PRKCH: variants seen among roughly 807,000 people sequenced by gnomAD.
The protein encoded by PRKCH is protein kinase C eta.
PRKCH carries 28 observed loss-of-function variants against 82.5 expected under a neutral mutation model. That is an observed-to-expected ratio of 0.34 (90% CI 0.25 to 0.47). The LOEUF is 0.47. PRKCH is among the 20% of genes least tolerant of loss of function. The pLI, the probability that PRKCH is intolerant of heterozygous loss-of-function variation, is 1.00. For missense variants in PRKCH, 705 were observed against 881.8 expected (o/e 0.80, Z 2.54); for synonymous variants, 322 against 327.4 (o/e 0.98, Z 0.18).
intron 10 of PRKCH, among the ~76,000 whole-genome samples, chr14:61,521,230 T>C (rs2042902335): frequency 6.6e-6 from 1 of 152,224 alleles, no homozygotes. Flanking sequence ...AATATTACTT[T>C]TATAATCAAA....
intron 1 of PRKCH, among the ~76,000 whole-genome samples, chr14:61,198,607 T>C (rs2044457827): frequency 6.6e-6 from 1 of 152,256 alleles, no homozygotes; most frequent in Non-Finnish European, 1.5e-5. Context: ...AGAAACTATG[T>C]CTCTATATTC....
intron 4 of PRKCH, among the ~76,000 whole-genome samples, chr14:61,448,580 G>A (rs1468368314): frequency 6.6e-6 from 1 of 152,140 alleles, no homozygotes; most frequent in Non-Finnish European, 1.5e-5. Context: ...CTAGAAGTGG[G>A]GATGGGGTAG....
intron 1 of PRKCH, among the ~76,000 whole-genome samples, chr14:61,331,529 A>AAAC (rs898734393): frequency 3.3e-5 from 5 of 152,116 alleles, no homozygotes; most frequent in African/African-American, 7.2e-5. Context: ...TCAAAAAAAG[A>AAAC]AACAACAACA....
At chr14:61,502,459 A>G (rs1367607180) in intron 10 of PRKCH, among the ~76,000 whole-genome samples, 1 of 152,162 alleles carries the variant, frequency 6.6e-6, no homozygotes. Flanking sequence ...TTTTCAGATC[A>G]GGCAACAGGC....
At chr14:61,270,397 C>A (rs2045140980) in intron 1 of PRKCH, among the ~76,000 whole-genome samples, 1 of 152,180 alleles carries the variant, frequency 6.6e-6, no homozygotes, top group South Asian at 2.1e-4. Flanking sequence ...TCCACGCTAG[C>A]AGTGGCCAGG....
chr14:61,388,147 C>CAAAAAA (rs569642184), intron 1 of PRKCH, among the ~76,000 whole-genome samples: 4 of 87,914 alleles, frequency 4.5e-5, no homozygotes, highest in Non-Finnish European at 4.9e-5. Flanking sequence ...GACTCTGTCT[C>CAAAAAA]AAAAAAAAAA....
At chr14:61,401,164 T>G (rs1881597590) in intron 2 of PRKCH, among the ~76,000 whole-genome samples, 1 of 152,200 alleles carries the variant, frequency 6.6e-6, no homozygotes, top group South Asian at 2.1e-4. Context: ...ACATCAGGCA[T>G]GGATGGGCCA....
At chr14:61,448,594 A>G (rs1884337593) in intron 4 of PRKCH, among the ~76,000 whole-genome samples, 1 of 152,128 alleles carries the variant, frequency 6.6e-6, no homozygotes, top group Non-Finnish European at 1.5e-5. Flanking sequence ...GGGGTAGAGT[A>G]TTTTCATGGA....
intron 1 of PRKCH, among the ~76,000 whole-genome samples, chr14:61,224,682 T>C (rs1188268113): frequency 6.6e-6 from 1 of 152,190 alleles, no homozygotes; most frequent in African/African-American, 2.4e-5. Flanking sequence ...TATCCGGAGA[T>C]CCATGTGTCC....
intron 2 of PRKCH, among the ~76,000 whole-genome samples, chr14:61,414,445 G>A (rs1882448338): frequency 6.6e-6 from 1 of 151,686 alleles, no homozygotes; most frequent in Non-Finnish European, 1.5e-5. Flanking sequence ...GCTAATTTTT[G>A]TATTTTTGAT....
intron 1 of PRKCH, among the ~76,000 whole-genome samples, chr14:61,339,570 G>A (rs376203014): frequency 7.0e-6 from 1 of 142,984 alleles, no homozygotes; most frequent in Non-Finnish European, 1.5e-5. Flanking sequence ...TGATCCACCT[G>A]CCTCGGCCTC....
chr14:61,270,596 C>T (rs762444578), intron 1 of PRKCH, among the ~76,000 whole-genome samples: 9 of 152,132 alleles, frequency 5.9e-5, no homozygotes, highest in Admixed American at 2.0e-4. Flanking sequence ...TTAATGAGGT[C>T]GCAAATGCTT....
At chr14:61,428,112 C>CACACATATATATATAT (rs1391102641) in intron 2 of PRKCH, among the ~76,000 whole-genome samples, 1 of 145,524 alleles carries the variant, frequency 6.9e-6, no homozygotes, top group South Asian at 2.1e-4. Context: ...TATATACACA[C>CACACATATATATATAT]ATATATATAT....
intron 1 of PRKCH, among the ~76,000 whole-genome samples, chr14:61,257,628 CA>C (rs1294705866): frequency 3.9e-4 from 17 of 43,466 alleles, no homozygotes; most frequent in Admixed American, 1.0e-3. Context: ...CACACACACA[CA>C]CCCCCACACA....
intron 9 of PRKCH, among the ~76,000 whole-genome samples, chr14:61,468,272 GA>G (rs1250844518): frequency 1.3e-4 from 20 of 152,326 alleles, no homozygotes; most frequent in African/African-American, 4.3e-4. Flanking sequence ...GATCAAAATA[GA>G]AAATGAGCCA....
rs546752328 is a variant in PRKCH at position 61,522,287 on chromosome 14, T to C, written c.1434-6788T>C. ...AGTAGCTTCCCAAATGATCTCCTCATGTTCATTCTCAACTCCTCTGATATG... is the reference window on the plus strand; with the variant it reads ...AGTAGCTTCCCAAATGATCTCCTCACGTTCATTCTCAACTCCTCTGATATG... On this transcript the variant is annotated intron_variant, in intron 10 of 13. Transcript: ENST00000332981. Among the ~76,000 whole-genome samples the C allele has an allele frequency of 1.6e-3, 238 of 152,302 alleles. 2 individuals are homozygous for C. Among genetic ancestry groups the C allele is most frequent in the African/African-American group, 5.5e-3 (229 of 41,566 alleles).
At chr14:61,401,142 C>T (rs945814039) in intron 2 of PRKCH, among the ~76,000 whole-genome samples, 1 of 152,152 alleles carries the variant, frequency 6.6e-6, no homozygotes, top group Admixed American at 6.5e-5. Flanking sequence ...AGGAAAGGTG[C>T]AGCATTCTCA....
intron 1 of PRKCH, chr14:61,281,864 T>G (rs2045271653): frequency 7.7e-6 from 1 of 130,446 alleles, no homozygotes; most frequent in Non-Finnish European, 1.6e-5. Context: ...TGCGTTCAAA[T>G]TTTAGCTTTT....
At chr14:61,454,814 C>T (rs1385931082) in intron 7 of PRKCH, among the ~76,000 whole-genome samples, 4 of 152,100 alleles carry the variant, frequency 2.6e-5, no homozygotes, top group Admixed American at 6.5e-5. Flanking sequence ...TCCTGGTCAG[C>T]GTCTAGAGAT....
Sources: gnomAD v4.1 joint callset for allele counts (sites outside exome capture counted in the v4.1 genomes callset) on GRCh38, gnomAD v4.1.1 for gene constraint, MANE v1.5 for transcripts, NCBI Gene and HGNC (gene_info 2026-07-23, HGNC 2026-07-21) for gene names.